CD244: variants seen among roughly 807,000 people sequenced by gnomAD.
CD244 encodes the protein CD244 molecule.
CD244 carries 20 observed loss-of-function variants against 45.5 expected under a neutral mutation model. The ratio of observed to expected loss-of-function variants is 0.44; its 90% confidence interval spans 0.31 to 0.64. The LOEUF (loss-of-function observed/expected upper bound fraction) is 0.64. Among genes scored for constraint, CD244 ranks in the 30% least tolerant of loss-of-function variants. The pLI is 0.08. For synonymous variants in CD244, 185 were observed against 160.5 expected (o/e 1.15, Z -1.15); for missense variants, 407 against 426.9 (o/e 0.95, Z 0.41).
At chr1:160,838,696 C>G in intron 4 of CD244, 178 bp from the exon 5 acceptor site, 4 of 622,272 alleles carry the variant, frequency 6.4e-6, no homozygotes, top group Admixed American at 2.8e-5. Context: ...CGAACTGCCC[C>G]TCCCACACCT....
chr1:160,830,995 GA>G lies in CD244; in HGVS notation c.*351del. On this transcript the variant is annotated 3_prime_UTR_variant, in exon 9 of 9. Coordinates refer to ENST00000368034, the MANE Select transcript of CD244 (RefSeq NM_016382.4). ...AAATGCAGTCAACCCAGAGAGGGGAGAAAAGGAAACAAGTGACAGCTTGAAA... is the reference window on the plus strand; with the variant it reads ...AAATGCAGTCAACCCAGAGAGGGGAGAAAGGAAACAAGTGACAGCTTGAAA... 1 of 192,074 alleles carries G rather than the reference GA, an allele frequency of 5.2e-6. No individual in the cohort carries two copies. Among genetic ancestry groups the G allele is most frequent in the Non-Finnish European group, 1.1e-5 (1 of 91,332 alleles). The allele number at this position is 192,074 out of a possible 1,614,324, so 11.9% of individuals were successfully genotyped here.
intron 1 of CD244, among the ~76,000 whole-genome samples, chr1:160,846,960 T>C (rs779372386): frequency 4.6e-5 from 7 of 151,982 alleles, no homozygotes; most frequent in Non-Finnish European, 7.4e-5. Context: ...ATACCTGTGG[T>C]AACCATTGAG....
rs1405866515 is a variant in CD244, at chr1:160,841,218, G to A, written c.647C>T (p.Ala216Val). 1.9e-6 allele frequency: 3 copies of A among 1,614,174 alleles called. No individual in the cohort carries two copies. Among genetic ancestry groups the A allele is most frequent in the South Asian group, 2.2e-5 (2 of 91,090 alleles). Residue 216 changes from alanine to valine, a missense_variant, in exon 3 of 9, where the codon GCC becomes GTC. Coordinates refer to ENST00000368034, the MANE Select transcript of CD244 (RefSeq NM_016382.4). ...TLNLTQDCQNAHQEFRFWPFL... is the reference protein window; with the variant it reads ...TLNLTQDCQNVHQEFRFWPFL... Reference sequence around the variant, plus strand: ...CAGTGTGTTCCACTTACCCTGATGGGCATTCTGACAGTCCTGAGTGAGATT... The same window carrying A: ...CAGTGTGTTCCACTTACCCTGATGGACATTCTGACAGTCCTGAGTGAGATT...
Position 160,862,699 on chromosome 1 carries a change from G to A in CD244, c.-22C>T, listed in dbSNP as rs115596289. 5 of 1,611,788 alleles carry A rather than the reference G, an allele frequency of 3.1e-6. No individual in the cohort carries two copies. In the African/African-American group the frequency reaches 4.0e-5, roughly 13 times the overall value. On this transcript the variant is annotated 5_prime_UTR_variant, in exon 1 of 9. Coordinates refer to ENST00000368034, the MANE Select transcript of CD244 (RefSeq NM_016382.4). Reference sequence around the variant, plus strand: ...GCATTTCCACAGGACAGAGGGGCCAGGCCAGCCCCTCCACCCCACCAGACT... The same window carrying A: ...GCATTTCCACAGGACAGAGGGGCCAAGCCAGCCCCTCCACCCCACCAGACT...
At position 160,854,380 on chromosome 1, in the gene CD244, CTTTG is replaced by C. The variant is rs369094816; in HGVS notation, c.61+8233_61+8236del. Among the ~76,000 whole-genome samples the C allele has an allele frequency of 7.9e-5, 12 of 151,988 alleles. No individual in the cohort carries two copies. The South Asian group carries it at 1.2e-3, about 16-fold the overall frequency. ...AATGGTTAAGTTATTGTCTAGACTT[CTTTG>C]TTTGTTTGTTTGTTTTAAGACAGAG... is the stretch of plus-strand genomic sequence containing the variant. On this transcript the variant is annotated intron_variant, in intron 1 of 8. Coordinates refer to ENST00000368034, the MANE Select transcript of CD244 (RefSeq NM_016382.4).
rs1314321879 is a variant in CD244 at position 160,831,123 on chromosome 1, C to T, written c.*224G>A. 5 of 462,530 alleles carry T rather than the reference C, an allele frequency of 1.1e-5. No homozygotes were observed. Among genetic ancestry groups the T allele is most frequent in the African/African-American group, 1.9e-5 (1 of 51,518 alleles). 28.7% of individuals were successfully genotyped at this position (462,530 alleles called of 1,614,324 possible). Reference sequence around the variant, plus strand: ...CCTTTTGTGAACAACCTAACCCCTCCACCCATTCATGTCTGATCTGTAAAT... The same window carrying T: ...CCTTTTGTGAACAACCTAACCCCTCTACCCATTCATGTCTGATCTGTAAAT... On this transcript the variant is annotated 3_prime_UTR_variant, in exon 9 of 9. Transcript: ENST00000368034.
intron 1 of CD244, among the ~76,000 whole-genome samples, chr1:160,858,380 A>T (rs1670183625): frequency 6.6e-6 from 1 of 152,128 alleles, no homozygotes; most frequent in African/African-American, 2.4e-5. Flanking sequence ...CCTTGGAGCT[A>T]ATCTATAAGG....
intron 1 of CD244, among the ~76,000 whole-genome samples, chr1:160,855,241 C>T (rs1258531974): frequency 6.6e-6 from 1 of 152,184 alleles, no homozygotes. Context: ...AATTCTCCCA[C>T]CTTTTGGGGA....
intron 1 of CD244, among the ~76,000 whole-genome samples, chr1:160,854,609 G>C (rs2101891698): frequency 6.6e-6 from 1 of 151,366 alleles, no homozygotes. Flanking sequence ...GGCCAGGCTG[G>C]TCTTGAACTC....
At chr1:160,835,426 T>C (rs1669299828) in intron 6 of CD244, among the ~76,000 whole-genome samples, 1 of 152,198 alleles carries the variant, frequency 6.6e-6, no homozygotes, top group East Asian at 1.9e-4. Flanking sequence ...TTAGAACTAT[T>C]TTCATGAGGC....
chr1:160,862,732 G>A lies in CD244; in HGVS notation c.-55C>T, dbSNP rs766128335. ...CCTCCACCCCACCAGACTCTCTGCCGTGCACGGGCTCAGCAGTCCCCAGTC... is the reference window on the plus strand; with the variant it reads ...CCTCCACCCCACCAGACTCTCTGCCATGCACGGGCTCAGCAGTCCCCAGTC... On this transcript the variant is annotated 5_prime_UTR_variant, in exon 1 of 9. It adds an upstream start codon to the 5' untranslated region. Coordinates refer to ENST00000368034, the MANE Select transcript of CD244 (RefSeq NM_016382.4). The A allele has an allele frequency of 5.7e-5, 88 of 1,541,882 alleles. No individual in the cohort carries two copies. Among genetic ancestry groups the A allele is most frequent in the South Asian group, 4.5e-5 (4 of 88,366 alleles).
rs572370510 is a variant in CD244, at chr1:160,839,005, C to T, written c.700G>A (p.Ala234Thr). Reference sequence around the variant, plus strand: ...CAGGCAAGGGTGCCAAGGAACAGTGCGCTTAGAATCACGATGATCACCAAA... The same window carrying T: ...CAGGCAAGGGTGCCAAGGAACAGTGTGCTTAGAATCACGATGATCACCAAA... ...PFLVIIVILS[A>T]LFLGTLACFC... is the part of the protein sequence containing the mutation. The change falls in exon 4 of 9, where the codon GCA becomes ACA. Residue 234 changes from alanine to threonine, a missense_variant. Coordinates refer to ENST00000368034, the MANE Select transcript of CD244 (RefSeq NM_016382.4). 22 of 1,613,878 alleles carry T rather than the reference C, an allele frequency of 1.4e-5. No homozygotes were observed. The highest frequency in any genetic ancestry group is 8.0e-5 in the African/African-American group (6 of 74,906).
intron 1 of CD244, among the ~76,000 whole-genome samples, 166 bp downstream of exon 1, chr1:160,862,451 C>G (rs1670344247): frequency 6.6e-6 from 1 of 152,208 alleles, no homozygotes; most frequent in Non-Finnish European, 1.5e-5. Context: ...CAGTGCACTG[C>G]CAGCCTGTCC....
intron 3 of CD244, 83 bp downstream of exon 3, chr1:160,841,127 C>T: frequency 7.2e-7 from 1 of 1,380,066 alleles, no homozygotes; most frequent in Non-Finnish European, 1.0e-6. Context: ...GATTTTATCT[C>T]ATACCACATC....
intron 1 of CD244, among the ~76,000 whole-genome samples, chr1:160,845,916 A>G (rs767673338): frequency 1.8e-4 from 28 of 152,112 alleles, no homozygotes; most frequent in Non-Finnish European, 3.7e-4. Flanking sequence ...CAATACATCA[A>G]AAAAATTATG....
chr1:160,853,518 C>T (rs76385239), intron 1 of CD244, among the ~76,000 whole-genome samples: 12,641 of 152,088 alleles, frequency 0.083, 1,603 homozygotes, highest in African/African-American at 0.28. Flanking sequence ...TGAGTTGTAT[C>T]TTGGTAAAAA....
intron 1 of CD244, among the ~76,000 whole-genome samples, chr1:160,843,617 C>G (rs1013878588): frequency 2.0e-5 from 3 of 152,116 alleles, no homozygotes; most frequent in Admixed American, 6.5e-5. Context: ...AAAAAATCAT[C>G]GAAGGAATTC....
At position 160,831,181 on chromosome 1, in the gene CD244, C is replaced by A; in HGVS notation, c.*166G>T. 1 of 610,412 alleles carries A rather than the reference C, an allele frequency of 1.6e-6. No individual in the cohort carries two copies. Among genetic ancestry groups the A allele is most frequent in the Non-Finnish European group, 3.0e-6 (1 of 338,392 alleles). 37.8% of individuals were successfully genotyped at this position (610,412 alleles called of 1,614,324 possible). On this transcript the variant is annotated 3_prime_UTR_variant, in exon 9 of 9. Transcript: ENST00000368034. Reference sequence around the variant, plus strand: ...TATTATTTAACAGCCTTGCTCTTATCATGGTTGTTAGACATCATTTTCAAA... The same window carrying A: ...TATTATTTAACAGCCTTGCTCTTATAATGGTTGTTAGACATCATTTTCAAA...
At chr1:160,853,041 G>GT (rs1669975674) in intron 1 of CD244, among the ~76,000 whole-genome samples, 1 of 151,852 alleles carries the variant, frequency 6.6e-6, no homozygotes, top group African/African-American at 2.4e-5. Context: ...AAGAAAATCT[G>GT]GTGTTTATAT....
Sources: allele counts gnomAD v4.1 joint callset (sites outside exome capture counted in the v4.1 genomes callset), GRCh38; gene constraint gnomAD v4.1.1; transcripts MANE v1.5; gene names NCBI Gene and HGNC (gene_info 2026-07-23, HGNC 2026-07-21).